NME8: variants seen among roughly 807,000 people sequenced by gnomAD.
NME8 encodes the protein NME/NM23 family member 8.
Under a neutral mutation model 82.3 loss-of-function variants are expected in NME8, and 72 were observed. The ratio of observed to expected loss-of-function variants is 0.87; its 90% CI spans 0.72 to 1.06. The LOEUF (loss-of-function observed/expected upper bound fraction) is 1.06, where lower values mean the gene tolerates loss of function less well. Ranked by LOEUF, NME8 falls within the 50% of genes least tolerant of loss-of-function variation. The pLI, the probability that NME8 is intolerant of heterozygous loss-of-function variation, is 0.00. For missense variants in NME8, 712 were observed against 685.4 expected, an observed-to-expected ratio of 1.04 and a Z score of -0.43; for synonymous variants, 267 against 228.5, an observed-to-expected ratio of 1.17 and a Z score of -1.52.
intron 5 of NME8, among the ~76,000 whole-genome samples, chr7:37,853,468 A>G (rs897780839): frequency 7.9e-5 from 12 of 152,186 alleles, no homozygotes; most frequent in East Asian, 3.8e-4. Flanking sequence ...GCAGTTGGAA[A>G]GGGGTTGATA....
intron 12 of NME8, among the ~76,000 whole-genome samples, chr7:37,882,657 G>GAAAGAGAA (rs1268650656): frequency 4.8e-5 from 7 of 146,304 alleles, no homozygotes; most frequent in African/African-American, 1.6e-4. Flanking sequence ...AAGAAAGAAA[G>GAAAGAGAA]AGAAAGAAAG....
In NME8 at chr7:37,862,858, G is replaced by A. The variant is rs917034703; in HGVS notation, c.388-538G>A. On this transcript the variant is annotated intron_variant, in intron 7 of 17. Transcript: ENST00000199447. ...GGTTTGGCTGGGTGCGGTAGCTCACGCCTGTAATCCCAGCACTTCGGGAGG... is the reference window on the plus strand; with the variant it reads ...GGTTTGGCTGGGTGCGGTAGCTCACACCTGTAATCCCAGCACTTCGGGAGG... Among the ~76,000 whole-genome samples, 7 of 152,026 alleles carry A rather than the reference G, an allele frequency of 4.6e-5. No homozygotes were observed. In the South Asian group the frequency reaches 1.4e-3, roughly 31 times the overall value.
intron 5 of NME8, 151 bp from the exon 6 acceptor site, chr7:37,857,123 T>G (rs1784523057): frequency 3.2e-6 from 2 of 620,004 alleles, no homozygotes; most frequent in Non-Finnish European, 5.6e-6. Flanking sequence ...ATCGCCAGTA[T>G]GTGCAGTTTG....
intron 10 of NME8, among the ~76,000 whole-genome samples, chr7:37,866,191 A>C (rs751326289): frequency 5.9e-5 from 9 of 152,102 alleles, no homozygotes; most frequent in African/African-American, 2.2e-4. Flanking sequence ...TACTAGATAC[A>C]TGTGATCATT....
At chr7:37,878,734 A>G (rs1487571258) in intron 12 of NME8, among the ~76,000 whole-genome samples, 1 of 152,194 alleles carries the variant, frequency 6.6e-6, no homozygotes, top group African/African-American at 2.4e-5. Flanking sequence ...AAAATATTAA[A>G]CCATTGTAGA....
intron 6 of NME8, 86 bp downstream of exon 6, chr7:37,857,431 G>T: frequency 2.3e-6 from 2 of 878,632 alleles, no homozygotes; most frequent in Admixed American, 3.8e-5. Context: ...CCATGAAATT[G>T]TTTGCCAATG....
intron 12 of NME8, among the ~76,000 whole-genome samples, chr7:37,879,604 G>A (rs756302807): frequency 8.5e-5 from 13 of 152,152 alleles, no homozygotes; most frequent in Non-Finnish European, 1.6e-4. Flanking sequence ...ACCTATAGAA[G>A]GGCATCTTGG....
intron 5 of NME8, among the ~76,000 whole-genome samples, chr7:37,854,630 C>T (rs1485288193): frequency 6.6e-6 from 1 of 152,128 alleles, no homozygotes; most frequent in East Asian, 1.9e-4. Context: ...ATTCTTCTGC[C>T]AGATGTTCTA....
At chr7:37,864,569 T>A in intron 9 of NME8, 148 bp downstream of exon 9, 1 of 812,294 alleles carries the variant, frequency 1.2e-6, no homozygotes, top group South Asian at 1.8e-5. Context: ...GAGTACTTTA[T>A]GTCTTTACAA....
At chr7:37,872,538 A>C (rs1784783907) in intron 11 of NME8, among the ~76,000 whole-genome samples, 1 of 152,248 alleles carries the variant, frequency 6.6e-6, no homozygotes, top group South Asian at 2.1e-4. Context: ...TACATTTAAA[A>C]AGCCTTTCAA....
In NME8 at chr7:37,885,189, A is replaced by T; in HGVS notation, c.1184A>T (p.Gln395Leu). The T allele has an allele frequency of 6.2e-7, 1 of 1,613,730 alleles. No homozygotes were observed. Among genetic ancestry groups the T allele is most frequent in the African/African-American group, 1.3e-5 (1 of 75,044 alleles). ...ALVLLRDNGL[Q>L]YWKQLLGPRT... ...GTTTTATTGAGAGACAATGGCTTGC[A>T]ATACTGGAAACAATTACTGGGACCA... is the stretch of plus-strand genomic sequence containing the variant. Residue 395 changes from glutamine to leucine, a missense_variant, in exon 14 of 18, where the codon CAA becomes CTA. Gln to Leu is a moderately radical substitution (Grantham distance 113, BLOSUM62 -2). Coordinates refer to ENST00000199447, the MANE Select transcript of NME8 (RefSeq NM_016616.5).
intron 16 of NME8, 65 bp downstream of exon 16, chr7:37,894,675 A>G (rs573417712): frequency 7.4e-7 from 1 of 1,358,258 alleles, no homozygotes; most frequent in African/African-American, 1.4e-5. Flanking sequence ...AGAAACTTTG[A>G]AAAATGCAAA....
intron 7 of NME8, 21 bp downstream of exon 7, chr7:37,862,165 C>A: frequency 6.8e-7 from 1 of 1,465,884 alleles, no homozygotes; most frequent in African/African-American, 1.4e-5. Context: ...GGATTAACAA[C>A]AGTTTGAAGA....
chr7:37,873,448 G>T (rs1784802038), intron 11 of NME8, among the ~76,000 whole-genome samples: 1 of 149,646 alleles, frequency 6.7e-6, no homozygotes, highest in African/African-American at 2.5e-5. Flanking sequence ...ATGTTACAGT[G>T]TCCCAAAGGA....
chr7:37,886,702 A>G (rs957743781), intron 14 of NME8, among the ~76,000 whole-genome samples: 2 of 152,120 alleles, frequency 1.3e-5, no homozygotes, highest in Admixed American at 6.6e-5. Context: ...TGCATTGAGT[A>G]GAGTAAGTGC....
chr7:37,863,132 A>T (rs1784622577), intron 7 of NME8, among the ~76,000 whole-genome samples: 1 of 152,252 alleles, frequency 6.6e-6, no homozygotes, highest in South Asian at 2.1e-4. Flanking sequence ...AAAAAATTTA[A>T]AAAAAATTTA....
At chr7:37,896,558 G>A (rs1410705720) in intron 16 of NME8, among the ~76,000 whole-genome samples, 2 of 152,212 alleles carry the variant, frequency 1.3e-5, no homozygotes, top group Non-Finnish European at 2.9e-5. Context: ...GAAGCGGTTA[G>A]AGGCTGCTGG....
chr7:37,865,456 A>G, intron 9 of NME8, 69 bp from the exon 10 acceptor site: 2 of 1,134,562 alleles, frequency 1.8e-6, no homozygotes, highest in Non-Finnish European at 2.7e-6. Flanking sequence ...TTAAGCCCAA[A>G]AAACAAACTT....
At chr7:37,877,650 C>T (rs13230425) in intron 12 of NME8, among the ~76,000 whole-genome samples, 2 of 152,142 alleles carry the variant, frequency 1.3e-5, no homozygotes, top group African/African-American at 2.4e-5. Flanking sequence ...TCTATGTAGA[C>T]CAGGATTTCT....
Sources: allele counts gnomAD v4.1 joint callset (sites outside exome capture counted in the v4.1 genomes callset), GRCh38; gene constraint gnomAD v4.1.1; transcripts MANE v1.5; gene names NCBI Gene and HGNC (gene_info 2026-07-23, HGNC 2026-07-21).